STK24: variants seen among roughly 807,000 people sequenced by gnomAD.
The protein encoded by STK24 is serine/threonine-protein kinase 24.
STK24 carries 21 observed loss-of-function variants against 55.6 expected under a neutral mutation model. The observed-to-expected ratio is 0.38, with a 90% CI of 0.27 to 0.54. STK24 has a LOEUF of 0.54. Among genes scored for constraint, STK24 ranks in the 20% least tolerant of loss-of-function variants. The pLI, the probability that STK24 is intolerant of heterozygous loss-of-function variation, is 0.79. For synonymous variants in STK24, 200 were observed against 215.2 expected, an observed-to-expected ratio of 0.93 and a Z score of 0.62; for missense variants, 383 against 538.4, an observed-to-expected ratio of 0.71 and a Z score of 2.86.
chr13:98,469,541 C>CCT (rs1894061350), intron 5 of STK24, among the ~76,000 whole-genome samples: 1 of 135,670 alleles, frequency 7.4e-6, no homozygotes, highest in African/African-American at 2.6e-5. Context: ...GCATCCCCCC[C>CCT]CCCAAAAAAA....
intron 1 of STK24, among the ~76,000 whole-genome samples, chr13:98,550,099 T>C (rs1897123695): frequency 6.6e-6 from 1 of 152,260 alleles, no homozygotes; most frequent in Admixed American, 6.5e-5. Flanking sequence ...GTTGTAACAC[T>C]GCAGGCTTCC....
intron 2 of STK24, among the ~76,000 whole-genome samples, chr13:98,513,968 C>A (rs1327769296): frequency 6.6e-6 from 1 of 152,220 alleles, no homozygotes; most frequent in African/African-American, 2.4e-5. Context: ...TATGAACTAG[C>A]TTAAAGAAAG....
intron 6 of STK24, among the ~76,000 whole-genome samples, chr13:98,464,865 T>C (rs1412717351): frequency 2.0e-5 from 3 of 152,176 alleles, no homozygotes; most frequent in African/African-American, 7.2e-5. Flanking sequence ...AATTTGGAAT[T>C]ATCTCAGAGA....
intron 9 of STK24, among the ~76,000 whole-genome samples, chr13:98,458,338 C>A (rs1893551774): frequency 6.6e-6 from 1 of 152,150 alleles, no homozygotes; most frequent in African/African-American, 2.4e-5. Context: ...GCCTCCTCTT[C>A]AGGGAAGAAA....
chr13:98,544,529 A>G (rs370008450), intron 1 of STK24, among the ~76,000 whole-genome samples: 17 of 152,340 alleles, frequency 1.1e-4, no homozygotes, highest in African/African-American at 4.1e-4. Context: ...GCCAGCCGGC[A>G]GAAGGCAGGG....
rs376391138 is a variant in STK24 at position 98,461,793 on chromosome 13, G to A, written c.1034C>T (p.Ser345Leu). The change falls in exon 8 of 11, where the codon TCG (serine) becomes TTG (leucine). Residue 345 changes from serine to leucine, a missense_variant. Physicochemically the swap from Ser to Leu is moderately radical, Grantham distance 145 (BLOSUM62 -2). Transcript: ENST00000539966. ...KNLENGALQP[S>L]DLDRNKMKDI... ...ACGTACCTTATTTCTGTCCAAGTCC[G>A]ATGGCTGAAGAGCTCCATTCTCGAG... is the stretch of plus-strand genomic sequence containing the variant. The A allele has an allele frequency of 5.6e-6, 9 of 1,614,080 alleles. No homozygotes were observed. The South Asian group carries it at 8.8e-5, about 16-fold the overall frequency.
intron 1 of STK24, among the ~76,000 whole-genome samples, chr13:98,573,744 G>A (rs1897800774): frequency 6.6e-6 from 1 of 152,182 alleles, no homozygotes; most frequent in South Asian, 2.1e-4. Context: ...CAGTAACACT[G>A]CATGATGAGT....
intron 1 of STK24, among the ~76,000 whole-genome samples, chr13:98,570,912 G>T (rs1427743883): frequency 6.6e-6 from 1 of 152,150 alleles, no homozygotes; most frequent in Non-Finnish European, 1.5e-5. Context: ...ATGAGACATG[G>T]ATAATAGAGT....
chr13:98,573,082 G>A (rs1292681191), intron 1 of STK24, among the ~76,000 whole-genome samples: 2 of 152,164 alleles, frequency 1.3e-5, no homozygotes, highest in Non-Finnish European at 2.9e-5. Context: ...AGCATATAAT[G>A]CAAATATTCC....
At chr13:98,549,413 T>C (rs892754143) in intron 1 of STK24, among the ~76,000 whole-genome samples, 17 of 152,158 alleles carry the variant, frequency 1.1e-4, no homozygotes, top group African/African-American at 3.9e-4. Context: ...ACTGATATGG[T>C]TGGAGGTCCC....
At position 98,446,953 on chromosome 13, in the gene STK24, C is replaced by G; in HGVS notation, c.*6220G>C. On this transcript the variant is annotated 3_prime_UTR_variant, in exon 11 of 11. Transcript: ENST00000539966. ...CTAAGCGTTTAGACCTGGGGTCCCACTGCCCGACACCAGCAGGCGATTCTG... is the reference window on the plus strand; with the variant it reads ...CTAAGCGTTTAGACCTGGGGTCCCAGTGCCCGACACCAGCAGGCGATTCTG... 1.1e-6 allele frequency: 1 copy of G among 870,966 alleles called. No homozygotes were observed. Among genetic ancestry groups the G allele is most frequent in the Non-Finnish European group, 1.8e-6 (1 of 561,754 alleles). 54.0% of individuals were successfully genotyped at this position (870,966 alleles called of 1,614,324 possible).
At chr13:98,558,025 C>T (rs1897320403) in intron 1 of STK24, among the ~76,000 whole-genome samples, 1 of 152,172 alleles carries the variant, frequency 6.6e-6, no homozygotes, top group Non-Finnish European at 1.5e-5. Flanking sequence ...CTCCTCTGCG[C>T]TACTTCTGAG....
chr13:98,519,500 A>T, intron 1 of STK24, 27 bp from the exon 2 acceptor site: 1 of 1,583,416 alleles, frequency 6.3e-7, no homozygotes, highest in African/African-American at 1.3e-5. Context: ...GAGAAAAGGG[A>T]AACTTTAGTC....
intron 1 of STK24, among the ~76,000 whole-genome samples, chr13:98,559,835 A>C (rs28647639): frequency 1.3e-5 from 2 of 151,286 alleles, no homozygotes; most frequent in Non-Finnish European, 2.9e-5. Context: ...CTCATATCTC[A>C]TATCACTGAA....
At chr13:98,568,769 G>A (rs1897655753) in intron 1 of STK24, among the ~76,000 whole-genome samples, 2 of 152,142 alleles carry the variant, frequency 1.3e-5, no homozygotes, top group Non-Finnish European at 2.9e-5. Context: ...TCGGGAGGCT[G>A]AGGCAGGAGA....
chr13:98,510,622 C>T (rs148467722), intron 2 of STK24, among the ~76,000 whole-genome samples: 51 of 152,326 alleles, frequency 3.3e-4, no homozygotes, highest in Non-Finnish European at 6.3e-4. Context: ...CATGCTGCAA[C>T]AGAGCCCTTG....
At chr13:98,535,360 ACAAAAAAAAAAT>A (rs1896690499) in intron 1 of STK24, among the ~76,000 whole-genome samples, 3 of 42,274 alleles carry the variant, frequency 7.1e-5, no homozygotes, top group Non-Finnish European at 1.2e-4. Context: ...AAACAAACAA[ACAAAAAAAAAAT>A]ATATATATAT....
intron 2 of STK24, among the ~76,000 whole-genome samples, chr13:98,494,411 T>TAAAAAAAAAAAAAAAAAA (rs1212862168): frequency 1.1e-4 from 1 of 9,150 alleles, no homozygotes; most frequent in Non-Finnish European, 5.1e-4. Flanking sequence ...CAGACTCGTC[T>TAAAAAAAAAAAAAAAAAA]CAAAAAAAAA....
chr13:98,466,348 G>C, intron 6 of STK24, 28 bp downstream of exon 6: 1 of 1,609,334 alleles, frequency 6.2e-7, no homozygotes. Context: ...CACATGAAGA[G>C]GTACGCTGTG....
Sources: allele counts gnomAD v4.1 joint callset (sites outside exome capture counted in the v4.1 genomes callset), GRCh38; gene constraint gnomAD v4.1.1; transcripts MANE v1.5; gene names NCBI Gene and HGNC (gene_info 2026-07-23, HGNC 2026-07-21).